PRELID2: variants seen among roughly 807,000 people sequenced by gnomAD.
PRELID2 encodes the protein PRELI domain containing 2, also known as PRELI domain-containing protein 2.
Under a neutral mutation model 28.4 loss-of-function variants are expected in PRELID2, and 25 were observed. The ratio of observed to expected loss-of-function variants is 0.88; its 90% CI spans 0.64 to 1.23. The LOEUF is 1.23. PRELID2 is among the 50% of genes most tolerant of loss of function. The pLI, the probability that PRELID2 is intolerant of heterozygous loss-of-function variation, is 0.00. For synonymous variants in PRELID2, 76 were observed against 71.6 expected (o/e 1.06, Z -0.31); for missense variants, 201 against 214.4 (o/e 0.94, Z 0.39).
At chr5:145,581,322 T>G (rs912942361) in intron 1 of PRELID2, among the ~76,000 whole-genome samples, 3 of 152,082 alleles carry the variant, frequency 2.0e-5, no homozygotes, top group Admixed American at 6.6e-5. Context: ...GGCCACACCA[T>G]AAGCCTAAAG....
At position 145,774,197 on chromosome 5, in the gene PRELID2, A is replaced by G. The variant is rs1758270640; in HGVS notation, c.475-9197T>C. ...ACCCTCTCAATAGTCCCGTGAGGTA[A>G]GACAGTTCTGCTCTCACCATTTCCA... is the stretch of plus-strand genomic sequence containing the variant. On this transcript the variant is annotated intron_variant, in intron 5 of 6. Coordinates refer to ENST00000683046, the MANE Select transcript of PRELID2 (RefSeq NM_205846.3). 2.0e-5 allele frequency among the ~76,000 whole-genome samples: 3 copies of G among 152,326 alleles called. No homozygotes were observed. In the South Asian group the frequency reaches 6.2e-4, roughly 32 times the overall value.
chr5:145,515,734 A>G (rs946712602), intron 1 of PRELID2, among the ~76,000 whole-genome samples: 1 of 152,204 alleles, frequency 6.6e-6, no homozygotes, highest in African/African-American at 2.4e-5. Flanking sequence ...CAATGCAAAA[A>G]TCCTCAATAA....
chr5:145,276,787 A>G, the PRELID2 span, among the ~76,000 whole-genome samples: 2 of 152,158 alleles, frequency 1.3e-5, no homozygotes, highest in Non-Finnish European at 2.9e-5. Flanking sequence ...GCAATGATAG[A>G]ACTTTCAAAA....
chr5:145,422,325 C>A, the PRELID2 span, among the ~76,000 whole-genome samples: 1 of 151,918 alleles, frequency 6.6e-6, no homozygotes, highest in Admixed American at 6.6e-5. Flanking sequence ...CTAATGTTGA[C>A]AGTGGGGTGT....
chr5:145,681,001 TG>T (rs1464699833), intron 1 of PRELID2, among the ~76,000 whole-genome samples: 2 of 152,220 alleles, frequency 1.3e-5, no homozygotes, highest in Non-Finnish European at 2.9e-5. Flanking sequence ...CTCACGACCA[TG>T]GCAATTTGAC....
chr5:145,393,423 G>T, the PRELID2 span, among the ~76,000 whole-genome samples: 1 of 152,300 alleles, frequency 6.6e-6, no homozygotes, highest in African/African-American at 2.4e-5. Context: ...ATTAAATTTA[G>T]CAGAGTTTAA....
chr5:145,657,248 C>T (rs898828085), intron 1 of PRELID2, among the ~76,000 whole-genome samples: 5 of 152,024 alleles, frequency 3.3e-5, no homozygotes, highest in Non-Finnish European at 5.9e-5. Flanking sequence ...ACTATTCTTT[C>T]CCTTAAAATG....
the PRELID2 span, among the ~76,000 whole-genome samples, chr5:145,288,400 G>C: frequency 2.2e-3 from 329 of 152,124 alleles, 2 homozygotes; most frequent in African/African-American, 7.6e-3. Flanking sequence ...TTAGGTGGCT[G>C]TTTTGTCCTT....
In PRELID2 at chr5:145,768,242, A is replaced by T. The variant is rs868060704; in HGVS notation, c.475-3242T>A. On this transcript the variant is annotated intron_variant, in intron 5 of 6. Coordinates refer to ENST00000683046, the MANE Select transcript of PRELID2 (RefSeq NM_205846.3). ...CTGTCTCAAAAAAAAAAAAAAAAAA[A>T]AAAGAATTAGGGGAAAGGGGATTGG... Among the ~76,000 whole-genome samples, 925 of 151,660 alleles carry T rather than the reference A, an allele frequency of 6.1e-3. 15 individuals are homozygous for T. The highest frequency in any genetic ancestry group is 0.022 in the African/African-American group (899 of 41,338).
the PRELID2 span, among the ~76,000 whole-genome samples, chr5:145,275,612 TG>T: frequency 2.6e-5 from 4 of 152,154 alleles, no homozygotes; most frequent in Non-Finnish European, 4.4e-5. Flanking sequence ...CATAAGCGGA[TG>T]TCAGACCATT....
At chr5:145,338,487 C>T in the PRELID2 span, 1 of 152,126 alleles carries the variant, frequency 6.6e-6, no homozygotes, top group African/African-American at 2.4e-5. Context: ...TTTTTATACT[C>T]CTGTGACTCA....
the PRELID2 span, among the ~76,000 whole-genome samples, chr5:145,395,401 T>C: frequency 2.6e-5 from 4 of 152,102 alleles, no homozygotes; most frequent in Admixed American, 2.6e-4. Context: ...TGAAAGGAAT[T>C]TCGGCTCTAT....
intron 1 of PRELID2, among the ~76,000 whole-genome samples, chr5:145,604,340 G>T (rs1753464855): frequency 6.6e-6 from 1 of 152,078 alleles, no homozygotes; most frequent in Non-Finnish European, 1.5e-5. Flanking sequence ...GTGAGAATAT[G>T]CAGTGCTTGG....
At chr5:145,480,600 A>G (rs1327703910) in intron 1 of PRELID2, among the ~76,000 whole-genome samples, 2 of 152,150 alleles carry the variant, frequency 1.3e-5, no homozygotes, top group African/African-American at 4.8e-5. Flanking sequence ...ATTTTATTTC[A>G]TTGATCTTCA....
chr5:145,790,483 C>T lies in PRELID2; in HGVS notation c.474+5959G>A, dbSNP rs149394175. 3.2e-3 allele frequency among the ~76,000 whole-genome samples: 487 copies of T among 151,542 alleles called. 2 individuals are homozygous for T. The highest frequency in any genetic ancestry group is 0.011 in the African/African-American group (442 of 41,290). On this transcript the variant is annotated intron_variant, in intron 5 of 6. Coordinates refer to ENST00000683046, the MANE Select transcript of PRELID2 (RefSeq NM_205846.3). The stretch of plus-strand genomic sequence containing the variant: ...TGGTTATCTGAGGCTGGGGGAGGTG[C>T]GAGAGAATAAGGAGATGTTGGCCAA...
intron 1 of PRELID2, among the ~76,000 whole-genome samples, chr5:145,649,106 A>G (rs959173430): frequency 1.3e-5 from 2 of 152,198 alleles, no homozygotes; most frequent in Admixed American, 6.5e-5. Context: ...ATAAAAGAGA[A>G]GGCAAAAATA....
the PRELID2 span, among the ~76,000 whole-genome samples, chr5:145,460,349 A>AC: frequency 6.6e-6 from 1 of 152,186 alleles, no homozygotes; most frequent in Non-Finnish European, 1.5e-5. Context: ...AAGATATAGA[A>AC]CATGTATTTT....
the PRELID2 span, among the ~76,000 whole-genome samples, chr5:145,425,893 C>A: frequency 3.9e-5 from 6 of 152,074 alleles, no homozygotes; most frequent in Non-Finnish European, 8.8e-5. Flanking sequence ...ACCAACTATG[C>A]CTTCCCACTC....
the PRELID2 span, among the ~76,000 whole-genome samples, chr5:145,238,018 A>G: frequency 6.6e-6 from 1 of 152,208 alleles, no homozygotes; most frequent in African/African-American, 2.4e-5. Context: ...TCATGTGGTA[A>G]TCAGGCACCT....
Sources: gnomAD v4.1 joint callset for allele counts (sites outside exome capture counted in the v4.1 genomes callset) on GRCh38, gnomAD v4.1.1 for gene constraint, MANE v1.5 for transcripts, NCBI Gene and HGNC (gene_info 2026-07-23, HGNC 2026-07-21) for gene names.